Variants in CDH13 observed in about 807,000 individuals in gnomAD.
CDH13 encodes cadherin-13.
A neutral mutation model predicts 63.8 loss-of-function variants in CDH13; 24 were observed. The ratio of observed to expected loss-of-function variants is 0.38; its 90% CI spans 0.27 to 0.53. CDH13 has a LOEUF of 0.53. Among genes scored for constraint, CDH13 ranks in the 20% least tolerant of loss-of-function variants. The pLI, the probability that CDH13 is intolerant of heterozygous loss-of-function variation, is 0.85. For synonymous variants in CDH13, 503 were observed against 355.3 expected (o/e 1.42, Z -4.67); for missense variants, 1,049 against 903.1 (o/e 1.16, Z -2.07).
chr16:82,852,880 C>T (rs1279316862), intron 1 of CDH13, among the ~76,000 whole-genome samples: 1 of 152,028 alleles, frequency 6.6e-6, no homozygotes, highest in Non-Finnish European at 1.5e-5. Flanking sequence ...CAGTTGGCAA[C>T]CTACAGTATG....
chr16:82,820,687 C>T (rs1290264491), intron 1 of CDH13, among the ~76,000 whole-genome samples: 1 of 152,192 alleles, frequency 6.6e-6, no homozygotes, highest in African/African-American at 2.4e-5. Context: ...GGGTTCCTCC[C>T]CCAAAACATT....
chr16:82,858,917 A>T (rs1003769657), intron 2 of CDH13: 1 of 174,632 alleles, frequency 5.7e-6, no homozygotes, highest in Non-Finnish European at 1.2e-5. Flanking sequence ...TTAGACACAG[A>T]CATCAAAAAC....
At chr16:82,730,879 T>C (rs1236324952) in intron 1 of CDH13, among the ~76,000 whole-genome samples, 1 of 152,212 alleles carries the variant, frequency 6.6e-6, no homozygotes, top group African/African-American at 2.4e-5. Flanking sequence ...ACAGCTATCA[T>C]TAAAAATTAA....
intron 13 of CDH13, among the ~76,000 whole-genome samples, chr16:83,784,431 A>C (rs1915741779): frequency 6.6e-6 from 1 of 152,170 alleles, no homozygotes; most frequent in African/African-American, 2.4e-5. Flanking sequence ...CAGGAGTTCA[A>C]GACCAGTCTG....
At chr16:82,693,586 C>T (rs1423597213) in intron 1 of CDH13, among the ~76,000 whole-genome samples, 1 of 152,222 alleles carries the variant, frequency 6.6e-6, no homozygotes, top group Non-Finnish European at 1.5e-5. Flanking sequence ...ATAAGAACCT[C>T]CAAGTAGACA....
chr16:83,150,829 G>A (rs767813385), intron 4 of CDH13, among the ~76,000 whole-genome samples: 1 of 152,156 alleles, frequency 6.6e-6, no homozygotes, highest in Admixed American at 6.5e-5. Context: ...TTTGTGTGGT[G>A]AACAACCTGC....
intron 2 of CDH13, among the ~76,000 whole-genome samples, chr16:82,875,050 G>C (rs1025734864): frequency 3.3e-5 from 5 of 152,216 alleles, no homozygotes; most frequent in Non-Finnish European, 7.3e-5. Context: ...TAAAGGCCTG[G>C]AGTCTGCACA....
chr16:83,748,261 G>C lies in CDH13; in HGVS notation c.1681+11G>C, dbSNP rs766242444. On this transcript the variant is annotated intron_variant, in intron 11 of 13. Coordinates refer to ENST00000567109, the MANE Select transcript of CDH13 (RefSeq NM_001257.5). ...TGGCAATTGACAGTGGTGAGTACTT[G>C]ACAAAGACCATCAAGGGTATACTTT... 3.1e-6 allele frequency: 5 copies of C among 1,593,130 alleles called. No homozygotes were observed. Among genetic ancestry groups the C allele is most frequent in the Non-Finnish European group, 4.3e-6 (5 of 1,165,750 alleles).
At chr16:83,018,436 A>G (rs1007340942) in intron 2 of CDH13, among the ~76,000 whole-genome samples, 1 of 152,198 alleles carries the variant, frequency 6.6e-6, no homozygotes, top group African/African-American at 2.4e-5. Flanking sequence ...CTTTAGAATA[A>G]CAGAATTTCC....
At chr16:83,499,938 G>T (rs1253256544) in intron 7 of CDH13, among the ~76,000 whole-genome samples, 1 of 152,172 alleles carries the variant, frequency 6.6e-6, no homozygotes, top group Non-Finnish European at 1.5e-5. Flanking sequence ...AAGTAGCTGG[G>T]ATTACAGGCG....
intron 1 of CDH13, among the ~76,000 whole-genome samples, chr16:82,753,389 C>T (rs1208632917): frequency 6.6e-6 from 1 of 152,150 alleles, no homozygotes; most frequent in African/African-American, 2.4e-5. Flanking sequence ...TCCCCTTAAC[C>T]CCTAACTGGG....
chr16:82,652,334 T>C (rs1055269215), intron 1 of CDH13, among the ~76,000 whole-genome samples: 1 of 152,210 alleles, frequency 6.6e-6, no homozygotes, highest in Admixed American at 6.5e-5. Flanking sequence ...TGGGCCAGGA[T>C]TGTGCCTGTG....
intron 6 of CDH13, among the ~76,000 whole-genome samples, chr16:83,351,634 G>A (rs1018432704): frequency 1.3e-5 from 2 of 152,108 alleles, no homozygotes; most frequent in Non-Finnish European, 2.9e-5. Flanking sequence ...ATTTCCTATC[G>A]ATTTAAGTTG....
intron 7 of CDH13, among the ~76,000 whole-genome samples, chr16:83,512,367 A>AATAC (rs1304229082): frequency 1.4e-5 from 2 of 142,080 alleles, no homozygotes; most frequent in Non-Finnish European, 3.0e-5. Context: ...TAAATAAATA[A>AATAC]ATAAAATAAA....
chr16:83,775,249 C>G (rs1915027758), intron 11 of CDH13, among the ~76,000 whole-genome samples: 1 of 151,792 alleles, frequency 6.6e-6, no homozygotes, highest in African/African-American at 2.4e-5. Context: ...TTGCACCAAG[C>G]CTGGGCTTGC....
At position 83,032,430 on chromosome 16, in the gene CDH13, A is replaced by G. The variant is rs1916450803; in HGVS notation, c.366+212A>G. 5.4e-6 allele frequency: 3 copies of G among 552,168 alleles called. No homozygotes were observed. In the East Asian group the frequency reaches 9.1e-5, roughly 17 times the overall value. The allele number at this position is 552,168 out of a possible 1,614,324, so 34.2% of individuals were successfully genotyped here. A position where few individuals can be genotyped will look rare whatever the true frequency, so the allele number is the denominator to read the frequency against. ...CTAATTGAGGCATAGTTCGTGGATT[A>G]ATTCATGGAACTATTTTAGGGATAC... On this transcript the variant is annotated intron_variant, in intron 3 of 13. Transcript: ENST00000567109.
chr16:83,707,858 A>AAAAAAAAAAAAAAAAAAAAAACT (rs71148851), intron 10 of CDH13, among the ~76,000 whole-genome samples: 1 of 140,592 alleles, frequency 7.1e-6, no homozygotes, highest in Admixed American at 7.0e-5. Context: ...AAAAAAAAAA[A>AAAAAAAAAAAAAAAAAAAAAACT]GAGCTGGGAA....
chr16:83,771,377 A>T (rs1482332248), intron 11 of CDH13, among the ~76,000 whole-genome samples: 1 of 152,220 alleles, frequency 6.6e-6, no homozygotes, highest in African/African-American at 2.4e-5. Context: ...TGGAGTTTGA[A>T]ATCCAGCAGT....
At chr16:83,715,477 T>C (rs1372307575) in intron 10 of CDH13, among the ~76,000 whole-genome samples, 1 of 152,220 alleles carries the variant, frequency 6.6e-6, no homozygotes, top group African/African-American at 2.4e-5. Flanking sequence ...GGCTTGTAAG[T>C]ACCAGGTCTT....
Sources: allele counts gnomAD v4.1 joint callset (sites outside exome capture counted in the v4.1 genomes callset), GRCh38; gene constraint gnomAD v4.1.1; transcripts MANE v1.5; gene names NCBI Gene and HGNC (gene_info 2026-07-23, HGNC 2026-07-21).